The following WASF2 variants were observed in gnomAD, a reference collection of about 807,000 sequenced individuals.
The protein encoded by WASF2 is actin-binding protein WASF2.
A neutral mutation model predicts 45.0 loss-of-function variants in WASF2; 14 were observed. That is an observed-to-expected ratio of 0.31 (90% CI 0.21 to 0.49). The LOEUF is 0.49. Ranked by LOEUF, WASF2 falls within the 20% of genes least tolerant of loss-of-function variation. WASF2 has a pLI of 0.99. For synonymous variants in WASF2, 200 were observed against 236.3 expected (o/e 0.85, Z 1.41); for missense variants, 439 against 636.1 (o/e 0.69, Z 3.33).
At chr1:27,458,700 G>T (rs898415544) in intron 1 of WASF2, among the ~76,000 whole-genome samples, 9 of 152,114 alleles carry the variant, frequency 5.9e-5, no homozygotes, top group Admixed American at 3.3e-4. Context: ...TGCTGAGGCA[G>T]GAGAATTGCT....
intron 1 of WASF2, among the ~76,000 whole-genome samples, chr1:27,485,714 TTTTG>T (rs964162631): frequency 5.9e-5 from 9 of 152,010 alleles, no homozygotes; most frequent in Admixed American, 2.0e-4. Context: ...TATCATGTAA[TTTTG>T]TTTGTTTGTT....
At chr1:27,439,265 TTAGCACAGTGCC>T (rs1314010201) in intron 1 of WASF2, among the ~76,000 whole-genome samples, 12 of 152,314 alleles carry the variant, frequency 7.9e-5, no homozygotes, top group Non-Finnish European at 1.8e-4. Context: ...TATAAAACGT[TTAGCACAGTGCC>T]TAGCACAGAA....
chr1:27,459,206 T>G lies in WASF2; in HGVS notation c.-43-30273A>C, dbSNP rs2017513989. ...AGACCTGGCCGTGCCTGTCATGCAG[T>G]CTGCAGTGCAGTGGTGTGATCATAC... On this transcript the variant is annotated intron_variant, in intron 1 of 8. Transcript: ENST00000618852. 2.0e-5 allele frequency: 3 copies of G among 152,316 alleles called. No homozygotes were observed. In the South Asian group the frequency reaches 6.2e-4, roughly 32 times the overall value. The allele number at this position is 152,316 out of a possible 1,614,324, so 9.4% of individuals were successfully genotyped here.
intron 1 of WASF2, among the ~76,000 whole-genome samples, chr1:27,456,905 A>AT (rs2017476136): frequency 6.6e-6 from 1 of 151,430 alleles, no homozygotes; most frequent in African/African-American, 2.4e-5. Context: ...ACGCCCGGCA[A>AT]TTTTTTTTGT....
chr1:27,409,251 C>T (rs570439003), intron 8 of WASF2, among the ~76,000 whole-genome samples: 1 of 151,408 alleles, frequency 6.6e-6, no homozygotes, highest in Non-Finnish European at 1.5e-5. Context: ...AGTAAAACTC[C>T]ATCTCTACTA....
intron 5 of WASF2, 42 bp downstream of exon 5, chr1:27,415,943 C>A (rs376982622): frequency 1.9e-5 from 29 of 1,500,516 alleles, no homozygotes; most frequent in Non-Finnish European, 2.5e-5. Context: ...CCTCCACAAT[C>A]GTGCCTACTG....
chr1:27,415,037 A>G (rs901713857), intron 5 of WASF2, 74 bp from the exon 6 acceptor site: 6 of 1,535,376 alleles, frequency 3.9e-6, no homozygotes, highest in Non-Finnish European at 4.5e-6. Flanking sequence ...ACCCATCTTC[A>G]TGGATGCGTA....
At chr1:27,438,617 T>C (rs7524753) in intron 1 of WASF2, among the ~76,000 whole-genome samples, 2 of 152,222 alleles carry the variant, frequency 1.3e-5, no homozygotes, top group Non-Finnish European at 2.9e-5. Context: ...GCAAAATGTT[T>C]TGTTGACACT....
chr1:27,437,522 C>A (rs2017153075), intron 1 of WASF2, among the ~76,000 whole-genome samples: 1 of 152,184 alleles, frequency 6.6e-6, no homozygotes, highest in Non-Finnish European at 1.5e-5. Flanking sequence ...TCTTGTATCT[C>A]CATCTTGGCC....
In WASF2 at chr1:27,419,005, C is replaced by A; in HGVS notation, c.214G>T (p.Val72Phe). 1 of 1,614,046 alleles carries A rather than the reference C, an allele frequency of 6.2e-7. No homozygotes were observed. The highest frequency in any genetic ancestry group is 1.1e-5 in the South Asian group (1 of 91,078). Residue 72 changes from valine (V) to phenylalanine (F), a missense_variant, in exon 3 of 9, where the codon GTC becomes TTC. Transcript: ENST00000618852. ...ASRVSSLAER[V>F]DRLQVKVTQL... ...GTGACTTTAACCTGTAGTCGGTCGACCCTCTCAGCAAGGGAGCTTACCCGA... is the reference window on the plus strand; with the variant it reads ...GTGACTTTAACCTGTAGTCGGTCGAACCTCTCAGCAAGGGAGCTTACCCGA...
At chr1:27,480,607 G>C (rs1284865660) in intron 1 of WASF2, among the ~76,000 whole-genome samples, 2 of 152,162 alleles carry the variant, frequency 1.3e-5, no homozygotes, top group Non-Finnish European at 1.5e-5. Context: ...AGGTATGGAG[G>C]AAGGAGAGGA....
At chr1:27,433,724 AG>A (rs2148114621) in intron 1 of WASF2, among the ~76,000 whole-genome samples, 1 of 152,344 alleles carries the variant, frequency 6.6e-6, no homozygotes, top group Admixed American at 6.5e-5. Context: ...GGGTGAGTCC[AG>A]CCCCTCAGCC....
At chr1:27,487,942 G>A (rs1452223233) in intron 1 of WASF2, among the ~76,000 whole-genome samples, 2 of 151,080 alleles carry the variant, frequency 1.3e-5, no homozygotes, top group African/African-American at 4.9e-5. Flanking sequence ...TTTCATTCTA[G>A]AAGAAAACTG....
At chr1:27,468,599 C>A (rs748132432) in intron 1 of WASF2, among the ~76,000 whole-genome samples, 1 of 151,730 alleles carries the variant, frequency 6.6e-6, no homozygotes, top group Non-Finnish European at 1.5e-5. Context: ...CGAGATTGCG[C>A]CATTGCACTC....
chr1:27,443,812 T>G (rs191370739), intron 1 of WASF2, among the ~76,000 whole-genome samples: 5 of 151,910 alleles, frequency 3.3e-5, no homozygotes, highest in African/African-American at 1.2e-4. Context: ...AGAGTTTTGC[T>G]CTTTTGCCCC....
intron 7 of WASF2, among the ~76,000 whole-genome samples, chr1:27,411,665 C>T (rs1478496119): frequency 6.6e-6 from 1 of 152,116 alleles, no homozygotes; most frequent in Admixed American, 6.5e-5. Flanking sequence ...AGATCGAGAC[C>T]ATCCTGGCTA....
At chr1:27,449,640 T>A (rs1031812601) in intron 1 of WASF2, among the ~76,000 whole-genome samples, 1 of 151,660 alleles carries the variant, frequency 6.6e-6, no homozygotes, top group South Asian at 2.1e-4. Context: ...AATGAAGCCA[T>A]AGTTGCTTCT....
chr1:27,442,694 A>T (rs1169566605), intron 1 of WASF2, among the ~76,000 whole-genome samples: 4 of 151,728 alleles, frequency 2.6e-5, no homozygotes, highest in Non-Finnish European at 4.4e-5. Flanking sequence ...CCTCATTTCT[A>T]TGAAAAACAC....
chr1:27,419,540 G>A (rs976261704), intron 2 of WASF2, among the ~76,000 whole-genome samples: 1 of 152,152 alleles, frequency 6.6e-6, no homozygotes, highest in African/African-American at 2.4e-5. Context: ...GCTTGACCTC[G>A]GGAGGCGGAG....
Sources: allele counts gnomAD v4.1 joint callset (sites outside exome capture counted in the v4.1 genomes callset), GRCh38; gene constraint gnomAD v4.1.1; transcripts MANE v1.5; gene names NCBI Gene and HGNC (gene_info 2026-07-23, HGNC 2026-07-21).